Variants in NFILZ observed in about 807,000 individuals in gnomAD.
The protein encoded by NFILZ is NFIL3 like protein.
intron 3 of NFILZ, among the ~76,000 whole-genome samples, chr19:8,654,728 C>T (rs1473648991): frequency 2.0e-5 from 3 of 152,186 alleles, no homozygotes; most frequent in Admixed American, 6.6e-5. Flanking sequence ...CCATACAGCG[C>T]CCACCAGGTG....
rs2043127242 is a variant in NFILZ at position 8,678,187 on chromosome 19, A to ATCCG, written c.*556_*559dup. ...CATCCATCCATCCATCCATCCATCCATCCGTCCATCTATCCATCCATCCAT... is the reference window on the plus strand; with the variant it reads ...CATCCATCCATCCATCCATCCATCCATCCGTCCGTCCATCTATCCATCCATCCAT... On this transcript the variant is annotated 3_prime_UTR_variant, in exon 6 of 6. Coordinates refer to ENST00000691075, the MANE Select transcript of NFILZ (RefSeq NM_001378600.1). Among the ~76,000 whole-genome samples, 1 of 68,708 alleles carries ATCCG rather than the reference A, an allele frequency of 1.5e-5. No homozygotes were observed. 45.1% of individuals were successfully genotyped at this position (68,708 alleles called of 152,430 possible).
In NFILZ at chr19:8,631,611, C is replaced by A. The variant is rs529186237; in HGVS notation, c.-410-865C>A. 1.1e-4 allele frequency among the ~76,000 whole-genome samples: 16 copies of A among 152,258 alleles called. No homozygotes were observed. In the South Asian group the frequency reaches 3.3e-3, roughly 32 times the overall value. ...AGTCCAGGGTCACAGTGGGAGGCCG[C>A]AGATTGGCCCTGTTCTTCTGAAAGT... On this transcript the variant is annotated intron_variant, in intron 1 of 5. Coordinates refer to ENST00000691075, the MANE Select transcript of NFILZ (RefSeq NM_001378600.1).
chr19:8,656,348 CCT>C lies in NFILZ; in HGVS notation c.-163-18200_-163-18199del, dbSNP rs2042996569. ...GAAGCCCCCTTCTTCCTGAAGCCCA[CCT>C]CTTCCCTGAAGCCCACCTTCTCCCT... On this transcript the variant is annotated intron_variant, in intron 3 of 5. Coordinates refer to ENST00000691075, the MANE Select transcript of NFILZ (RefSeq NM_001378600.1). 4.8e-4 allele frequency among the ~76,000 whole-genome samples: 66 copies of C among 138,856 alleles called. 1 individual carries two copies. Among genetic ancestry groups the C allele is most frequent in the African/African-American group, 1.0e-3 (39 of 37,414 alleles). 91.1% of individuals were successfully genotyped at this position (138,856 alleles called of 152,430 possible).
In NFILZ at chr19:8,679,122, C is replaced by T. The variant is rs2043132820; in HGVS notation, c.*1487C>T. Reference sequence around the variant, plus strand: ...GTGTGAGGGCATCAGTGTCCTCTCTCTCCCTGGCTGCCCCCTGCCCCTGAG... The same window carrying T: ...GTGTGAGGGCATCAGTGTCCTCTCTTTCCCTGGCTGCCCCCTGCCCCTGAG... On this transcript the variant is annotated 3_prime_UTR_variant, in exon 6 of 6. Coordinates refer to ENST00000691075, the MANE Select transcript of NFILZ (RefSeq NM_001378600.1). Among the ~76,000 whole-genome samples, 1 of 151,738 alleles carries T rather than the reference C, an allele frequency of 6.6e-6. No individual in the cohort carries two copies. The highest frequency in any genetic ancestry group is 1.5e-5 in the Non-Finnish European group (1 of 68,002).
chr19:8,646,317 G>A (rs141257979), intron 3 of NFILZ, among the ~76,000 whole-genome samples: 233 of 152,284 alleles, frequency 1.5e-3, no homozygotes, highest in African/African-American at 5.1e-3. Flanking sequence ...GATTACAGGC[G>A]TGAGGCACTG....
chr19:8,666,174 T>C (rs569839357), intron 3 of NFILZ, among the ~76,000 whole-genome samples: 5 of 152,162 alleles, frequency 3.3e-5, no homozygotes, highest in South Asian at 4.1e-4. Flanking sequence ...ACAGGAAGAC[T>C]CCCCAAGTCT....
chr19:8,671,034 T>C (rs1353151723), intron 3 of NFILZ, among the ~76,000 whole-genome samples: 3 of 151,266 alleles, frequency 2.0e-5, no homozygotes, highest in Admixed American at 2.0e-4. Context: ...TGGGAACCTC[T>C]TGAACACATG....
chr19:8,655,631 G>A (rs576371259), intron 3 of NFILZ, among the ~76,000 whole-genome samples: 1 of 152,276 alleles, frequency 6.6e-6, no homozygotes, highest in East Asian at 1.9e-4. Flanking sequence ...CAGAGCAGGT[G>A]AGGACGGCAT....
intron 4 of NFILZ, among the ~76,000 whole-genome samples, 148 bp from the exon 5 acceptor site, chr19:8,676,211 A>G (rs1165665707): frequency 6.6e-6 from 1 of 152,190 alleles, no homozygotes; most frequent in African/African-American, 2.4e-5. Flanking sequence ...GGGTAGTTGG[A>G]TGGATGGAAG....
rs114908611 is a variant in NFILZ, at chr19:8,648,469, G to A, written c.-164+12723G>A. ...CTTAATGCCTCTGAACTGTATGGACGCTGAGAAATGATTAAAATGGTTAGT... is the reference window on the plus strand; with the variant it reads ...CTTAATGCCTCTGAACTGTATGGACACTGAGAAATGATTAAAATGGTTAGT... On this transcript the variant is annotated intron_variant, in intron 3 of 5. Transcript: ENST00000691075. Among the ~76,000 whole-genome samples, 1,139 of 152,128 alleles carry A rather than the reference G, an allele frequency of 7.5e-3. 13 individuals carry two copies. Among genetic ancestry groups the A allele is most frequent in the African/African-American group, 0.026 (1,089 of 41,482 alleles).
At chr19:8,655,261 T>C (rs1555748207) in intron 3 of NFILZ, among the ~76,000 whole-genome samples, 1 of 152,122 alleles carries the variant, frequency 6.6e-6, no homozygotes, top group African/African-American at 2.4e-5. Context: ...AGAGCCTCCT[T>C]CCCTTTGCCC....
At chr19:8,636,361 A>T (rs2042894459) in intron 3 of NFILZ, among the ~76,000 whole-genome samples, 1 of 149,458 alleles carries the variant, frequency 6.7e-6, no homozygotes, top group Non-Finnish European at 1.5e-5. Flanking sequence ...GGCAGGAGAA[A>T]TGCTTGAACC....
intron 5 of NFILZ, among the ~76,000 whole-genome samples, 138 bp from the exon 6 acceptor site, chr19:8,676,613 G>A (rs2043111264): frequency 6.6e-6 from 1 of 152,186 alleles, no homozygotes; most frequent in Non-Finnish European, 1.5e-5. Context: ...GATGAAGATC[G>A]AACCTTGGTC....
At chr19:8,652,997 TTCCTTCCTTCCTTC>T (rs2042973345) in intron 3 of NFILZ, among the ~76,000 whole-genome samples, 169 of 20,650 alleles carry the variant, frequency 8.2e-3, no homozygotes, top group Middle Eastern at 0.014. Flanking sequence ...CCTTCCTTCC[TTCCTTCCTTCCTTC>T]CTTTCTTTCT....
intron 3 of NFILZ, among the ~76,000 whole-genome samples, chr19:8,647,792 C>T (rs1270596493): frequency 1.1e-4 from 5 of 43,576 alleles, no homozygotes; most frequent in Non-Finnish European, 1.6e-4. Flanking sequence ...CGCGCGCGCG[C>T]GCGCACACAC....
intron 3 of NFILZ, among the ~76,000 whole-genome samples, chr19:8,667,585 T>C (rs1469487991): frequency 6.6e-6 from 1 of 152,212 alleles, no homozygotes; most frequent in East Asian, 1.9e-4. Context: ...TCTCGCTCTG[T>C]TGCTCAGGCT....
At chr19:8,673,633 C>T (rs1439072021) in intron 3 of NFILZ, among the ~76,000 whole-genome samples, 3 of 152,152 alleles carry the variant, frequency 2.0e-5, no homozygotes, top group Non-Finnish European at 4.4e-5. Flanking sequence ...ACACTGCAGA[C>T]CCTCCTGTGA....
chr19:8,631,830 T>TTGTGTG lies in NFILZ; in HGVS notation c.-410-614_-410-609dup, dbSNP rs71179868. ...GGCTTGGTCACTCCAGTCCTCGCTT[T>TTGTGTG]TGTGTGTGTGTGTGTGTGTGTGTGT... On this transcript the variant is annotated intron_variant, in intron 1 of 5. Coordinates refer to ENST00000691075, the MANE Select transcript of NFILZ (RefSeq NM_001378600.1). Among the ~76,000 whole-genome samples the TTGTGTG allele has an allele frequency of 2.7e-3, 398 of 145,992 alleles. 1 individual carries two copies. The highest frequency in any genetic ancestry group is 9.4e-3 in the African/African-American group (369 of 39,172).
intron 3 of NFILZ, among the ~76,000 whole-genome samples, chr19:8,674,131 C>A (rs528727970): frequency 6.6e-6 from 1 of 152,134 alleles, no homozygotes. Context: ...TGAGCCACCG[C>A]GCTTGGCCTT....
Sources: gnomAD v4.1 joint callset for allele counts (sites outside exome capture counted in the v4.1 genomes callset) on GRCh38, gnomAD v4.1.1 for gene constraint, MANE v1.5 for transcripts, NCBI Gene and HGNC (gene_info 2026-07-23, HGNC 2026-07-21) for gene names.